The following DAPL1 variants were observed in gnomAD, a reference collection of about 807,000 sequenced individuals.
The protein encoded by DAPL1 is death associated protein like 1.
Under a neutral mutation model 12.9 loss-of-function variants are expected in DAPL1, and 17 were observed. The ratio of observed to expected loss-of-function variants is 1.32; its 90% confidence interval spans 0.90 to 1.98. The LOEUF is 1.98. Ranked by LOEUF, DAPL1 falls within the 30% of genes most tolerant of loss-of-function variation. The pLI is 0.00. For missense variants in DAPL1, 157 were observed against 125.7 expected, an observed-to-expected ratio of 1.25 and a Z score of -1.19; for synonymous variants, 51 against 42.0, an observed-to-expected ratio of 1.21 and a Z score of -0.82.
chr2:158,805,523 T>G lies in DAPL1; in HGVS notation c.146+1154T>G, dbSNP rs955161366. Among the ~76,000 whole-genome samples the G allele has an allele frequency of 4.9e-5, 6 of 122,546 alleles. 1 individual carries two copies. The highest frequency in any genetic ancestry group is 1.2e-4 in the Non-Finnish European group (6 of 51,230). The allele number at this position is 122,546 out of a possible 152,430, so 80.4% of individuals were successfully genotyped here. ...GCTGATTAACTTTGAGACCTATTCA[T>G]TCTGTATCTAAAACCTGAGTCAAGC... On this transcript the variant is annotated intron_variant, in intron 2 of 3. Coordinates refer to ENST00000309950, the MANE Select transcript of DAPL1 (RefSeq NM_001017920.3).
intron 3 of DAPL1, among the ~76,000 whole-genome samples, chr2:158,808,155 C>T (rs1203587119): frequency 3.9e-5 from 6 of 152,198 alleles, no homozygotes; most frequent in Non-Finnish European, 7.3e-5. Context: ...TTATGGAAGG[C>T]GTTGGACAAA....
intron 1 of DAPL1, among the ~76,000 whole-genome samples, chr2:158,800,055 T>C (rs2059158398): frequency 8.8e-6 from 1 of 114,242 alleles, no homozygotes; most frequent in South Asian, 2.6e-4. Flanking sequence ...AGAGCGAGAC[T>C]CCATCTCAAA....
intron 3 of DAPL1, among the ~76,000 whole-genome samples, chr2:158,814,390 A>G (rs1357675508): frequency 1.3e-5 from 2 of 152,198 alleles, no homozygotes; most frequent in Non-Finnish European, 2.9e-5. Flanking sequence ...GTTGGCAGAG[A>G]TAATCCTTGG....
intron 2 of DAPL1, among the ~76,000 whole-genome samples, chr2:158,806,138 T>C (rs765282035): frequency 1.3e-5 from 2 of 148,196 alleles, no homozygotes; most frequent in Non-Finnish European, 3.0e-5. Context: ...TCTTAGAGAA[T>C]AGCTTTTTAA....
At chr2:158,804,482 AG>A in intron 2 of DAPL1, 113 bp downstream of exon 2, 2 of 505,870 alleles carry the variant, frequency 4.0e-6, no homozygotes, top group East Asian at 3.8e-5. Flanking sequence ...CAGCCAGAGA[AG>A]GGGGCAGGAG....
intron 3 of DAPL1, among the ~76,000 whole-genome samples, chr2:158,808,175 G>T (rs1402004145): frequency 6.6e-6 from 1 of 152,240 alleles, no homozygotes; most frequent in African/African-American, 2.4e-5. Flanking sequence ...AGTGTCCTCT[G>T]TAGAAGGAAG....
chr2:158,813,810 C>T (rs1477835689), intron 3 of DAPL1, among the ~76,000 whole-genome samples: 2 of 152,200 alleles, frequency 1.3e-5, no homozygotes, highest in African/African-American at 4.8e-5. Context: ...CCGCCTTGGC[C>T]TCCCAAAGTG....
rs2105151088 is a variant in DAPL1, at chr2:158,803,914, A to T, written c.59-368A>T. Among the ~76,000 whole-genome samples the T allele has an allele frequency of 3.3e-5, 5 of 152,326 alleles. 1 individual carries two copies. The Middle Eastern group carries it at 0.014, about 414-fold the overall frequency. On this transcript the variant is annotated intron_variant, in intron 1 of 3. Coordinates refer to ENST00000309950, the MANE Select transcript of DAPL1 (RefSeq NM_001017920.3). Reference sequence around the variant, plus strand: ...TAATCTGGTGGGAAAACAGAGGGTCACGTTGTAATTGTCGGTTGCTATTGT... The same window carrying T: ...TAATCTGGTGGGAAAACAGAGGGTCTCGTTGTAATTGTCGGTTGCTATTGT...
At chr2:158,804,628 G>A (rs190511037) in intron 2 of DAPL1, among the ~76,000 whole-genome samples, 120 of 152,258 alleles carry the variant, frequency 7.9e-4, no homozygotes, top group African/African-American at 2.5e-3. Context: ...CCAGCCCAGC[G>A]GCCTTGCACT....
chr2:158,800,613 A>G (rs1259363162), intron 1 of DAPL1, among the ~76,000 whole-genome samples: 3 of 152,114 alleles, frequency 2.0e-5, no homozygotes, highest in South Asian at 4.1e-4. Flanking sequence ...CCAACCCTAC[A>G]TAACATTTCC....
At chr2:158,799,605 C>A (rs761661446) in intron 1 of DAPL1, among the ~76,000 whole-genome samples, 2 of 152,040 alleles carry the variant, frequency 1.3e-5, no homozygotes, top group Non-Finnish European at 2.9e-5. Flanking sequence ...GTAGTGACAG[C>A]CCAAATCTAT....
chr2:158,802,035 G>C (rs1471286592), intron 1 of DAPL1, among the ~76,000 whole-genome samples: 1 of 152,164 alleles, frequency 6.6e-6, no homozygotes, highest in Non-Finnish European at 1.5e-5. Context: ...TGAGAAATGA[G>C]AATTAAAACA....
intron 3 of DAPL1, among the ~76,000 whole-genome samples, chr2:158,812,411 C>A (rs2059235782): frequency 6.6e-6 from 1 of 152,120 alleles, no homozygotes; most frequent in Admixed American, 6.5e-5. Flanking sequence ...AAATGTAACC[C>A]TTAACACTTC....
At chr2:158,804,411 G>T in intron 2 of DAPL1, 42 bp downstream of exon 2, 2 of 1,409,260 alleles carry the variant, frequency 1.4e-6, no homozygotes, top group South Asian at 2.5e-5. Context: ...GAGGAGTTTT[G>T]AGTGACTCTG....
At chr2:158,797,809 T>C (rs1279493684) in intron 1 of DAPL1, among the ~76,000 whole-genome samples, 1 of 151,940 alleles carries the variant, frequency 6.6e-6, no homozygotes, top group Non-Finnish European at 1.5e-5. Context: ...AAAAAATCAC[T>C]TAGAAGTCAG....
intron 1 of DAPL1, among the ~76,000 whole-genome samples, chr2:158,797,992 C>A (rs1399713188): frequency 6.6e-6 from 1 of 152,158 alleles, no homozygotes; most frequent in African/African-American, 2.4e-5. Flanking sequence ...TTGGAATTTT[C>A]TGCTTTTTTG....
chr2:158,808,566 G>A (rs1360501644), intron 3 of DAPL1, among the ~76,000 whole-genome samples: 4 of 152,290 alleles, frequency 2.6e-5, no homozygotes, highest in Non-Finnish European at 4.4e-5. Context: ...TTGATGATGA[G>A]CCATAGCTAC....
At chr2:158,796,382 G>T (rs1269106073) in intron 1 of DAPL1, among the ~76,000 whole-genome samples, 3 of 152,100 alleles carry the variant, frequency 2.0e-5, no homozygotes, top group South Asian at 4.1e-4. Context: ...ACATTGTTTT[G>T]GTGGCTTTCC....
intron 3 of DAPL1, among the ~76,000 whole-genome samples, chr2:158,815,118 G>C (rs371407753): frequency 8.3e-4 from 126 of 152,306 alleles, no homozygotes; most frequent in African/African-American, 2.9e-3. Context: ...CTGTGGAGAA[G>C]ACTAATCAGA....
Sources: gnomAD v4.1 joint callset for allele counts (sites outside exome capture counted in the v4.1 genomes callset) on GRCh38, gnomAD v4.1.1 for gene constraint, MANE v1.5 for transcripts, NCBI Gene and HGNC (gene_info 2026-07-23, HGNC 2026-07-21) for gene names.